The following SORCS3 variants were observed in gnomAD, a reference collection of about 807,000 sequenced individuals.
SORCS3 encodes the protein sortilin related VPS10 domain containing receptor 3.
Under a neutral mutation model 146.3 loss-of-function variants are expected in SORCS3, and 57 were observed. That is an observed-to-expected ratio of 0.39 (90% CI 0.31 to 0.49). The LOEUF is 0.49. Among genes scored for constraint, SORCS3 ranks in the 20% least tolerant of loss-of-function variants. The pLI is 0.92. For synonymous variants in SORCS3, 653 were observed against 618.5 expected (o/e 1.06, Z -0.83); for missense variants, 1,341 against 1,575.5 (o/e 0.85, Z 2.52).
In SORCS3 at chr10:104,916,766, TA is replaced by T. The variant is rs368174736; in HGVS notation, c.795+843del. Among the ~76,000 whole-genome samples the T allele has an allele frequency of 2.7e-3, 412 of 150,970 alleles. 1 individual carries two copies. The highest frequency in any genetic ancestry group is 9.3e-3 in the African/African-American group (383 of 41,154). The stretch of plus-strand genomic sequence containing the variant: ...GGTCATTTTAATATTTCTAAAAGGC[TA>T]AAAAAAAATGGCACCACCAAGCTCT... On this transcript the variant is annotated intron_variant, in intron 3 of 26. Coordinates refer to ENST00000369701, the MANE Select transcript of SORCS3 (RefSeq NM_014978.3).
At chr10:104,732,538 G>C (rs2016717690) in intron 1 of SORCS3, among the ~76,000 whole-genome samples, 1 of 152,208 alleles carries the variant, frequency 6.6e-6, no homozygotes, top group African/African-American at 2.4e-5. Flanking sequence ...TGCCTTTGCT[G>C]TGCCCCCAAG....
intron 12 of SORCS3, among the ~76,000 whole-genome samples, chr10:105,166,513 C>T (rs758309579): frequency 3.3e-5 from 5 of 152,140 alleles, no homozygotes; most frequent in Non-Finnish European, 7.3e-5. Flanking sequence ...ATTCTCTTAA[C>T]TCGGAACCTT....
intron 6 of SORCS3, among the ~76,000 whole-genome samples, chr10:105,102,851 G>A (rs766067674): frequency 3.5e-5 from 5 of 141,636 alleles, no homozygotes; most frequent in Admixed American, 2.2e-4. Flanking sequence ...GTACCGTGGC[G>A]CGATCTCGGC....
chr10:105,000,084 TGAA>T (rs1375347197), intron 4 of SORCS3, among the ~76,000 whole-genome samples: 26 of 151,942 alleles, frequency 1.7e-4, no homozygotes, highest in African/African-American at 5.3e-4. Context: ...AATGAATGAA[TGAA>T]TGAACAAAAT....
intron 1 of SORCS3, among the ~76,000 whole-genome samples, chr10:104,827,636 G>A (rs1228305146): frequency 6.6e-6 from 1 of 152,110 alleles, no homozygotes; most frequent in African/African-American, 2.4e-5. Flanking sequence ...TGGTAAGTGA[G>A]CACTGGCTTT....
At chr10:104,674,463 T>G (rs1348280968) in intron 1 of SORCS3, among the ~76,000 whole-genome samples, 1 of 152,234 alleles carries the variant, frequency 6.6e-6, no homozygotes, top group African/African-American at 2.4e-5. Flanking sequence ...AGCCTTTGTG[T>G]TTTTAGCTGC....
In SORCS3 at chr10:105,157,361, G is replaced by A. The variant is rs372697667; in HGVS notation, c.1629+77G>A. The A allele has an allele frequency of 5.3e-4, 822 of 1,559,118 alleles. 1 individual carries two copies. Among genetic ancestry groups the A allele is most frequent in the Admixed American group, 1.4e-3 (77 of 56,394 alleles). The stretch of plus-strand genomic sequence containing the variant: ...GAAGCTGTGTCGAGGGCTTTGTTTC[G>A]TCAAAGGGTCTTAGGAACTCAGGTG... On this transcript the variant is annotated intron_variant, in intron 10 of 26. Coordinates refer to ENST00000369701, the MANE Select transcript of SORCS3 (RefSeq NM_014978.3).
chr10:104,752,225 G>C (rs2016996920), intron 1 of SORCS3, among the ~76,000 whole-genome samples: 1 of 151,472 alleles, frequency 6.6e-6, no homozygotes, highest in African/African-American at 2.4e-5. Flanking sequence ...TAGTAGAGAT[G>C]GGGTTTCACC....
chr10:104,786,559 A>T (rs2133497017), intron 1 of SORCS3, among the ~76,000 whole-genome samples: 1 of 148,396 alleles, frequency 6.7e-6, no homozygotes, highest in Admixed American at 6.7e-5. Context: ...AAATAATAAT[A>T]ATAATAATAA....
In SORCS3 at chr10:104,809,924, A is replaced by G. The variant is rs568375813; in HGVS notation, c.628-32868A>G. 2.0e-5 allele frequency among the ~76,000 whole-genome samples: 3 copies of G among 152,248 alleles called. No individual in the cohort carries two copies. The South Asian group carries it at 6.2e-4, about 32-fold the overall frequency. On this transcript the variant is annotated intron_variant, in intron 1 of 26. Transcript: ENST00000369701. ...GACTGTACACAGTGTCCTTTATTTG[A>G]TGTTCTCCTGATGTAACCATGTTGA...
intron 20 of SORCS3, among the ~76,000 whole-genome samples, chr10:105,242,721 TAC>T (rs2056839987): frequency 9.4e-6 from 1 of 106,166 alleles, no homozygotes; most frequent in Non-Finnish European, 1.6e-5. Flanking sequence ...TATATTTATA[TAC>T]ATTTATATAT....
intron 4 of SORCS3, among the ~76,000 whole-genome samples, chr10:105,025,109 T>C (rs1259472064): frequency 6.6e-6 from 1 of 152,216 alleles, no homozygotes; most frequent in Non-Finnish European, 1.5e-5. Context: ...GAGGAAAAAG[T>C]ACCCTTCCTT....
chr10:104,767,773 C>T (rs980453448), intron 1 of SORCS3, among the ~76,000 whole-genome samples: 3 of 146,322 alleles, frequency 2.1e-5, no homozygotes. Flanking sequence ...TTCCCTTTCC[C>T]CTTTCCCTTC....
intron 6 of SORCS3, among the ~76,000 whole-genome samples, chr10:105,093,864 C>A (rs1387633755): frequency 6.6e-6 from 1 of 152,050 alleles, no homozygotes; most frequent in African/African-American, 2.4e-5. Flanking sequence ...TATAACCCAG[C>A]AATCCCACTT....
At chr10:105,104,322 A>T (rs866821728) in intron 6 of SORCS3, among the ~76,000 whole-genome samples, 1 of 151,972 alleles carries the variant, frequency 6.6e-6, no homozygotes, top group Admixed American at 6.6e-5. Flanking sequence ...TTTAAAGCAA[A>T]TTTTTTTGGT....
At chr10:104,731,614 G>T (rs2016707603) in intron 1 of SORCS3, among the ~76,000 whole-genome samples, 2 of 152,174 alleles carry the variant, frequency 1.3e-5, no homozygotes, top group African/African-American at 4.8e-5. Flanking sequence ...TGCCCACTGT[G>T]ATGTGTCTCC....
chr10:105,020,501 T>C (rs975983034), intron 4 of SORCS3, among the ~76,000 whole-genome samples: 12 of 152,166 alleles, frequency 7.9e-5, no homozygotes, highest in East Asian at 1.9e-4. Flanking sequence ...CAGATGAATA[T>C]TGGGGATAGT....
At chr10:104,717,267 A>G (rs1424431766) in intron 1 of SORCS3, among the ~76,000 whole-genome samples, 1 of 151,132 alleles carries the variant, frequency 6.6e-6, no homozygotes, top group Non-Finnish European at 1.5e-5. Flanking sequence ...CCTGGGTGAC[A>G]GAGGGGAGAC....
In SORCS3 at chr10:105,211,233, C is replaced by T. The variant is rs773048107; in HGVS notation, c.2358C>T (p.Ser786=). 13 of 1,613,652 alleles carry T rather than the reference C, an allele frequency of 8.1e-6. No individual in the cohort carries two copies. The highest frequency in any genetic ancestry group is 2.5e-6 in the Non-Finnish European group (3 of 1,179,686). Residue 786 remains serine, a synonymous_variant, in exon 17 of 27, where the codon AGC becomes AGT. Coordinates refer to ENST00000369701, the MANE Select transcript of SORCS3 (RefSeq NM_014978.3). ...CAAAGGACTGCAGCCTTGGTCAAAG[C>T]TACCTTAACAGCACTGGGTAAGTAA... The part of the protein sequence containing the change: ...SPSKDCSLGQ[S]YLNSTGYRRI...
Sources: gnomAD v4.1 joint callset for allele counts (sites outside exome capture counted in the v4.1 genomes callset) on GRCh38, gnomAD v4.1.1 for gene constraint, MANE v1.5 for transcripts, NCBI Gene and HGNC (gene_info 2026-07-23, HGNC 2026-07-21) for gene names.